The following BRSK2 variants were observed in gnomAD, a reference collection of about 807,000 sequenced individuals.
The protein encoded by BRSK2 is serine/threonine-protein kinase BRSK2.
Under a neutral mutation model 83.3 loss-of-function variants are expected in BRSK2, and 19 were observed. The observed-to-expected ratio is 0.23, with a 90% CI of 0.16 to 0.33. The LOEUF is 0.33. BRSK2 is among the 10% of genes least tolerant of loss of function. The pLI, the probability that BRSK2 is intolerant of heterozygous loss-of-function variation, is 1.00. For missense variants in BRSK2, 798 were observed against 1,042.3 expected (o/e 0.77, Z 3.23); for synonymous variants, 519 against 435.4 (o/e 1.19, Z -2.39).
chr11:1,398,004 G>A (rs1018482577), intron 1 of BRSK2, among the ~76,000 whole-genome samples: 3 of 152,340 alleles, frequency 2.0e-5, no homozygotes, highest in South Asian at 2.1e-4. Context: ...GTGGGAGGGC[G>A]CCTGGACGGC....
chr11:1,456,454 A>G lies in BRSK2; in HGVS notation c.1775A>G (p.Asp592Gly). Reference sequence around the variant, plus strand: ...CAGAAGCCGGTCAAGTTCCAGGTTGATATCACCTACACGGAGGGTGGGGAG... The same window carrying G: ...CAGAAGCCGGTCAAGTTCCAGGTTGGTATCACCTACACGGAGGGTGGGGAG... The part of the protein sequence containing the change: ...VFQKPVKFQV[D>G]ITYTEGGEAQ... Residue 592 changes from aspartate (D) to glycine (G), a missense_variant, in exon 17 of 20, where the codon GAT (aspartate) becomes GGT (glycine). Asp to Gly is a moderately conservative substitution (Grantham distance 94, BLOSUM62 -1). Coordinates refer to ENST00000528841, the MANE Select transcript of BRSK2 (RefSeq NM_001256627.2). The G allele has an allele frequency of 6.3e-7, 1 of 1,589,942 alleles. No homozygotes were observed. Among genetic ancestry groups the G allele is most frequent in the Non-Finnish European group, 8.6e-7 (1 of 1,168,382 alleles).
intron 19 of BRSK2, 66 bp downstream of exon 19, chr11:1,459,305 G>A (rs930334776): frequency 1.3e-6 from 2 of 1,587,614 alleles, no homozygotes; most frequent in Admixed American, 1.7e-5. Context: ...TCAGCCCGCT[G>A]TGGCCGCCAC....
At chr11:1,455,728 C>T (rs1043970377) in intron 16 of BRSK2, among the ~76,000 whole-genome samples, 6 of 152,126 alleles carry the variant, frequency 3.9e-5, no homozygotes, top group Non-Finnish European at 5.9e-5. Flanking sequence ...CTGGTTGCCA[C>T]GGCTAACCTC....
chr11:1,392,307 C>T (rs967186026), intron 1 of BRSK2, among the ~76,000 whole-genome samples: 5 of 152,232 alleles, frequency 3.3e-5, no homozygotes, highest in African/African-American at 1.2e-4. Context: ...CCGCCACCAC[C>T]CGAGGACGAT....
rs569318035 is a variant in BRSK2, at chr11:1,423,515, G to A, written c.92-12525G>A. 1.4e-4 allele frequency among the ~76,000 whole-genome samples: 22 copies of A among 152,224 alleles called. No homozygotes were observed. The highest frequency in any genetic ancestry group is 7.7e-4 in the East Asian group (4 of 5,168). ...ATGATGAAGGATGCGGCCCACAGTC[G>A]TGTGAGCAGAGGACGGCACTCGCGA... On this transcript the variant is annotated intron_variant, in intron 1 of 19. Transcript: ENST00000528841. The surrounding 1 kb of genome is among the most constrained non-coding windows in gnomAD (Gnocchi z 6.5).
rs1851571677 is a variant in BRSK2 at position 1,443,046 on chromosome 11, C to G, written c.531-60C>G. ...GAGGGCCCTGCGGTGCACCATCACCCTGGGGGGAGGGCCTGGCAGCGCCCG... is the reference window on the plus strand; with the variant it reads ...GAGGGCCCTGCGGTGCACCATCACCGTGGGGGGAGGGCCTGGCAGCGCCCG... On this transcript the variant is annotated intron_variant, in intron 5 of 19. Coordinates refer to ENST00000528841, the MANE Select transcript of BRSK2 (RefSeq NM_001256627.2). The G allele has an allele frequency of 2.6e-6, 4 of 1,512,962 alleles. No individual in the cohort carries two copies. In the African/African-American group the frequency reaches 4.1e-5, roughly 16 times the overall value. The allele number at this position is 1,512,962 out of a possible 1,614,324, so 93.7% of individuals were successfully genotyped here. A position where few individuals can be genotyped will look rare whatever the true frequency, so the allele number is the denominator to read the frequency against.
At chr11:1,412,704 T>A (rs1421866517) in intron 1 of BRSK2, among the ~76,000 whole-genome samples, 4 of 151,838 alleles carry the variant, frequency 2.6e-5, no homozygotes, top group Non-Finnish European at 5.9e-5. Context: ...GGACAGTGGC[T>A]GGGGGGTCAG....
At chr11:1,407,845 G>A (rs557298675) in intron 1 of BRSK2, among the ~76,000 whole-genome samples, 12 of 152,352 alleles carry the variant, frequency 7.9e-5, no homozygotes, top group African/African-American at 2.4e-4. Flanking sequence ...GGGCGGGCCC[G>A]GCAGGGAGGG....
chr11:1,423,720 C>T lies in BRSK2; in HGVS notation c.92-12320C>T, dbSNP rs971291144. ...CCCAGGCCTCCCCCGCTGGGCGTTC[C>T]GGGTGCCCCAGGCCTCCCCCGCTGG... On this transcript the variant is annotated intron_variant, in intron 1 of 19. Coordinates refer to ENST00000528841, the MANE Select transcript of BRSK2 (RefSeq NM_001256627.2). The surrounding 1 kb of genome is among the most constrained non-coding windows in gnomAD (Gnocchi z 6.5). 4.0e-5 allele frequency among the ~76,000 whole-genome samples: 6 copies of T among 149,994 alleles called. No individual in the cohort carries two copies. The highest frequency in any genetic ancestry group is 6.0e-5 in the Non-Finnish European group (4 of 67,206).
At chr11:1,391,792 C>T (rs775962571) in intron 1 of BRSK2, among the ~76,000 whole-genome samples, 15 of 152,110 alleles carry the variant, frequency 9.9e-5, no homozygotes, top group Non-Finnish European at 1.6e-4. Context: ...AATCCAATTA[C>T]GGTCCCAATA....
rs754164755 is a variant in BRSK2 at position 1,443,542 on chromosome 11, G to A, written c.687G>A (p.Lys229=). The change falls in exon 8 of 20, where the codon AAG becomes AAA. Residue 229 remains lysine, a synonymous_variant. Transcript: ENST00000528841. ...DNLRQLLEKV[K]RGVFHMPHFI... The stretch of plus-strand genomic sequence containing the variant: ...TGCGACAGCTGCTGGAGAAGGTGAA[G>A]CGGGGCGTGTTCCACATGCCGCACT... 5 of 1,609,468 alleles carry A rather than the reference G, an allele frequency of 3.1e-6. No homozygotes were observed. In the African/African-American group the frequency reaches 5.3e-5, roughly 17 times the overall value.
chr11:1,415,773 G>A (rs1443759559), intron 1 of BRSK2, among the ~76,000 whole-genome samples: 1 of 81,492 alleles, frequency 1.2e-5, no homozygotes, highest in African/African-American at 4.2e-5. Context: ...CCCACACGGT[G>A]GTCCCAGCAG....
intron 5 of BRSK2, 40 bp downstream of exon 5, chr11:1,442,646 G>A (rs1162038762): frequency 4.6e-6 from 7 of 1,526,578 alleles, no homozygotes; most frequent in Non-Finnish European, 6.3e-6. Flanking sequence ...TGGGGGACAG[G>A]CTGGGCTGGG....
intron 1 of BRSK2, among the ~76,000 whole-genome samples, chr11:1,407,907 G>A (rs2134089513): frequency 6.6e-6 from 1 of 152,298 alleles, no homozygotes; most frequent in East Asian, 1.9e-4. Flanking sequence ...CAGCCTCAGG[G>A]CACCTGTGCC....
At position 1,443,639 on chromosome 11, in the gene BRSK2, C is replaced by T. The variant is rs537048005; in HGVS notation, c.780+4C>T. 6.6e-5 allele frequency: 105 copies of T among 1,591,888 alleles called. 1 individual carries two copies. The highest frequency in any genetic ancestry group is 5.1e-4 in the South Asian group (46 of 90,136). ...GGACGCCGCACGCCGCCTCACGGTG[C>T]GTGCCCTCGGAGCGGGGCGGCCCCA... On this transcript the variant is annotated splice_donor_region_variant and intron_variant, in intron 8 of 19. Coordinates refer to ENST00000528841, the MANE Select transcript of BRSK2 (RefSeq NM_001256627.2).
At chr11:1,412,658 G>GC (rs1847649432) in intron 1 of BRSK2, among the ~76,000 whole-genome samples, 1 of 152,218 alleles carries the variant, frequency 6.6e-6, no homozygotes, top group South Asian at 2.1e-4. Context: ...GCCCAGCAGA[G>GC]CTGAGGTGTC....
chr11:1,419,371 G>A (rs965462508), intron 1 of BRSK2, among the ~76,000 whole-genome samples: 2 of 152,214 alleles, frequency 1.3e-5, no homozygotes, highest in Admixed American at 6.5e-5. Context: ...CTGGCTGCCC[G>A]GGCAGCTCCA....
Position 1,447,926 on chromosome 11 carries a change from C to T in BRSK2, c.1227-1850C>T, listed in dbSNP as rs547762491. The T allele has an allele frequency of 1.0e-5, 15 of 1,477,716 alleles. 1 individual carries two copies. In the South Asian group the frequency reaches 1.5e-4, roughly 15 times the overall value. 91.5% of individuals were successfully genotyped at this position (1,477,716 alleles called of 1,614,324 possible). A position where few individuals can be genotyped will look rare whatever the true frequency, so the allele number is the denominator to read the frequency against. On this transcript the variant is annotated intron_variant, in intron 12 of 19. Coordinates refer to ENST00000528841, the MANE Select transcript of BRSK2 (RefSeq NM_001256627.2). ...CCCAGACACGCTGTCCTGCCTCAGG[C>T]CGGGCAGGCACATGGGCGGGTCTGG...
rs183399439 is a variant in BRSK2 at position 1,397,376 on chromosome 11, A to T, written c.91+7001A>T. 4.9e-3 allele frequency among the ~76,000 whole-genome samples: 746 copies of T among 152,172 alleles called. 10 individuals carry two copies. Among genetic ancestry groups the T allele is most frequent in the African/African-American group, 0.017 (714 of 41,538 alleles). ...GCCTGCCAGGTCCAGGCCTTGTTCTACCGCCTCTGAGGGGCCAGTGTTCTG... is the reference window on the plus strand; with the variant it reads ...GCCTGCCAGGTCCAGGCCTTGTTCTTCCGCCTCTGAGGGGCCAGTGTTCTG... On this transcript the variant is annotated intron_variant, in intron 1 of 19. Coordinates refer to ENST00000528841, the MANE Select transcript of BRSK2 (RefSeq NM_001256627.2).
Sources: allele counts gnomAD v4.1 joint callset (sites outside exome capture counted in the v4.1 genomes callset), GRCh38; gene constraint gnomAD v4.1.1; non-coding constraint Gnocchi (gnomAD v3.1); transcripts MANE v1.5; gene names NCBI Gene and HGNC (gene_info 2026-07-23, HGNC 2026-07-21).